MYO5A: variants seen among roughly 807,000 people sequenced by gnomAD.
MYO5A encodes unconventional myosin-Va.
In MYO5A, 98 loss-of-function variants were observed where a neutral mutation model predicts 249.7. The ratio of observed to expected loss-of-function variants is 0.39; its 90% CI spans 0.33 to 0.46. The LOEUF is 0.46. Among genes scored for constraint, MYO5A ranks in the 20% least tolerant of loss-of-function variants. MYO5A has a pLI of 0.98. For missense variants in MYO5A, 1,696 were observed against 2,308.8 expected (o/e 0.73, Z 5.44); for synonymous variants, 778 against 810.6 (o/e 0.96, Z 0.68).
intron 29 of MYO5A, among the ~76,000 whole-genome samples, chr15:52,347,810 CTA>C (rs2039718202): frequency 6.6e-6 from 1 of 151,810 alleles, no homozygotes; most frequent in Non-Finnish European, 1.5e-5. Context: ...TTTTTTTTAG[CTA>C]TGTTTTGTAA....
intron 30 of MYO5A, 94 bp from the exon 31 acceptor site, chr15:52,343,291 ATTTTATAAGTTTGT>A: frequency 9.6e-7 from 1 of 1,038,260 alleles, no homozygotes. Context: ...GTATTTCAAC[ATTTTATAAGTTTGT>A]TTTTATTCAT....
Position 52,372,247 on chromosome 15 carries a change from C to A in MYO5A, c.2694G>T (p.Arg898=). 1 of 1,612,908 alleles carries A rather than the reference C, an allele frequency of 6.2e-7. No homozygotes were observed. The highest frequency in any genetic ancestry group is 8.5e-7 in the Non-Finnish European group (1 of 1,180,038). ...AIIYLQCCFR[R]MMAKRELKKL... is the part of the protein sequence containing the mutation. ...TCTTTAGCTCACGCTTGGCCATCAT[C>A]CGCCTGAAGCAGCACTGAAGGTAGA... The change falls in exon 21 of 42, where the codon CGG becomes CGT. Residue 898 remains arginine, a synonymous_variant. Transcript: ENST00000399233.
At chr15:52,462,160 G>A (rs2076264855) in intron 1 of MYO5A, among the ~76,000 whole-genome samples, 1 of 151,884 alleles carries the variant, frequency 6.6e-6, no homozygotes, top group African/African-American at 2.4e-5. Flanking sequence ...CAGCTACTCA[G>A]GAGGCTGAGG....
rs1197190844 is a variant in MYO5A at position 52,307,442 on chromosome 15, T to C, written c.*6254A>G. On this transcript the variant is annotated 3_prime_UTR_variant, in exon 42 of 42. Coordinates refer to ENST00000399233, the MANE Select transcript of MYO5A (RefSeq NM_001382347.1). ...GTTTTTATCTTAGCACTAGGTGATATCTAGTGAAAACCCATGTTTCAAAGG... is the reference window on the plus strand; with the variant it reads ...GTTTTTATCTTAGCACTAGGTGATACCTAGTGAAAACCCATGTTTCAAAGG... 1 of 152,174 alleles carries C rather than the reference T, an allele frequency of 6.6e-6. No individual in the cohort carries two copies. Among genetic ancestry groups the C allele is most frequent in the Non-Finnish European group, 1.5e-5 (1 of 68,006 alleles). The allele number at this position is 152,174 out of a possible 1,614,324, so 9.4% of individuals were successfully genotyped here.
chr15:52,445,228 C>T (rs1039039781), intron 1 of MYO5A, among the ~76,000 whole-genome samples: 2 of 152,098 alleles, frequency 1.3e-5, no homozygotes, highest in Non-Finnish European at 2.9e-5. Flanking sequence ...CTCGTGAGAT[C>T]TGGGCATTTT....
At chr15:52,463,230 G>A (rs2076287849) in intron 1 of MYO5A, among the ~76,000 whole-genome samples, 1 of 152,134 alleles carries the variant, frequency 6.6e-6, no homozygotes, top group African/African-American at 2.4e-5. Context: ...CTTTTCCCCA[G>A]ATGTCAAGCC....
intron 1 of MYO5A, among the ~76,000 whole-genome samples, chr15:52,439,354 C>T (rs572163175): frequency 1.3e-5 from 2 of 152,374 alleles, no homozygotes; most frequent in African/African-American, 4.8e-5. Context: ...TCTCCACTCA[C>T]ACTACTCTAG....
Position 52,416,208 on chromosome 15 carries a change from C to A in MYO5A, c.549G>T (p.Val183=). The change falls in exon 5 of 42, where the codon GTG becomes GTT. Residue 183 remains valine (V), a synonymous_variant. Transcript: ENST00000399233. ...CATTGGCCTCACTGGCAGAACCACT[C>A]ACAGTTGCAAAGTATCGCATGGCAT... ...AKYAMRYFAT[V]SGSASEANVE... The A allele has an allele frequency of 6.2e-7, 1 of 1,614,112 alleles. No homozygotes were observed. The highest frequency in any genetic ancestry group is 8.5e-7 in the Non-Finnish European group (1 of 1,179,974).
At chr15:52,504,008 T>C (rs977975178) in intron 1 of MYO5A, among the ~76,000 whole-genome samples, 6 of 149,806 alleles carry the variant, frequency 4.0e-5, no homozygotes, top group African/African-American at 1.5e-4. Context: ...AACGCTTGCA[T>C]GAAAATTTTC....
At chr15:52,480,658 T>C (rs1247966885) in intron 1 of MYO5A, among the ~76,000 whole-genome samples, 1 of 152,228 alleles carries the variant, frequency 6.6e-6, no homozygotes, top group Non-Finnish European at 1.5e-5. Flanking sequence ...TTCCATTTCA[T>C]TGTAACACAA....
At chr15:52,457,503 G>A (rs1287213494) in intron 1 of MYO5A, among the ~76,000 whole-genome samples, 1 of 151,238 alleles carries the variant, frequency 6.6e-6, no homozygotes, top group African/African-American at 2.4e-5. Flanking sequence ...ACAGGTATAT[G>A]ACAAAATGCT....
chr15:52,362,440 G>A, intron 24 of MYO5A, among the ~76,000 whole-genome samples: 1 of 152,144 alleles, frequency 6.6e-6, no homozygotes, highest in Non-Finnish European at 1.5e-5. Flanking sequence ...ATTGTCATGG[G>A]TTAAAAGATC....
At chr15:52,457,853 T>C (rs2076151115) in intron 1 of MYO5A, among the ~76,000 whole-genome samples, 1 of 152,186 alleles carries the variant, frequency 6.6e-6, no homozygotes, top group Admixed American at 6.5e-5. Context: ...CGATATGGAA[T>C]CAACCTAAGT....
chr15:52,381,019 T>G (rs554893474), intron 16 of MYO5A, among the ~76,000 whole-genome samples: 10 of 152,364 alleles, frequency 6.6e-5, no homozygotes, highest in African/African-American at 2.4e-4. Flanking sequence ...TTGTTTTGTA[T>G]TACATTTTGT....
At chr15:52,332,386 T>A (rs2038931398) in intron 34 of MYO5A, among the ~76,000 whole-genome samples, 1 of 152,172 alleles carries the variant, frequency 6.6e-6, no homozygotes, top group Non-Finnish European at 1.5e-5. Context: ...GATGTTGAAA[T>A]GGGAAACACT....
intron 16 of MYO5A, among the ~76,000 whole-genome samples, chr15:52,380,550 C>T (rs542216501): frequency 4.0e-5 from 6 of 151,238 alleles, no homozygotes; most frequent in South Asian, 4.2e-4. Context: ...AGGCGGATCA[C>T]GAGGTCAGCA....
At chr15:52,379,554 T>C (rs2041624401) in intron 18 of MYO5A, 71 bp downstream of exon 18, 3 of 1,368,116 alleles carry the variant, frequency 2.2e-6, no homozygotes, top group Admixed American at 1.7e-5. Flanking sequence ...TATACAAAAG[T>C]TCCCGGGGCT....
intron 25 of MYO5A, among the ~76,000 whole-genome samples, chr15:52,359,043 G>T (rs1459756373): frequency 6.6e-6 from 1 of 152,182 alleles, no homozygotes; most frequent in Non-Finnish European, 1.5e-5. Flanking sequence ...CCATTTATAA[G>T]CTGTGAACCT....
intron 1 of MYO5A, among the ~76,000 whole-genome samples, chr15:52,463,871 T>C (rs2076301590): frequency 6.6e-6 from 1 of 152,246 alleles, no homozygotes; most frequent in African/African-American, 2.4e-5. Context: ...TTTTAAACAG[T>C]GCCTCACATC....
Sources: gnomAD v4.1 joint callset for allele counts (sites outside exome capture counted in the v4.1 genomes callset) on GRCh38, gnomAD v4.1.1 for gene constraint, MANE v1.5 for transcripts, NCBI Gene and HGNC (gene_info 2026-07-23, HGNC 2026-07-21) for gene names.